DACT2: variants seen among roughly 807,000 people sequenced by gnomAD.
DACT2 encodes dapper homolog 2.
DACT2 carries 20 observed loss-of-function variants against 22.2 expected under a neutral mutation model. The observed-to-expected ratio is 0.90, with a 90% CI of 0.63 to 1.31. The LOEUF is 1.31. Ranked by LOEUF, DACT2 falls within the 50% of genes most tolerant of loss-of-function variation. The pLI, the probability that DACT2 is intolerant of heterozygous loss-of-function variation, is 0.00. For missense variants in DACT2, 1,048 were observed against 1,061.4 expected, an observed-to-expected ratio of 0.99 and a Z score of 0.18; for synonymous variants, 463 against 479.8, an observed-to-expected ratio of 0.96 and a Z score of 0.46.
At chr6:168,303,383 A>T (rs1779144781), downstream of DACT2, among the ~76,000 whole-genome samples, 1 of 152,188 alleles carries the variant, frequency 6.6e-6, no homozygotes, top group African/African-American at 2.4e-5. Context: ...TCATGAATAG[A>T]CCAACACAGT....
chr6:168,293,787 A>AGG (rs33979593), exon 6 of DACT2: 1 of 692,122 alleles, frequency 1.4e-6, no homozygotes, highest in African/African-American at 1.7e-5. Flanking sequence ...TGGCGGGCAG[A>AGG]GGGGGGCCGA....
chr6:168,295,300 T>C (rs1328916853), intron 3 of DACT2, among the ~76,000 whole-genome samples: 1 of 152,332 alleles, frequency 6.6e-6, no homozygotes, highest in East Asian at 1.9e-4. Flanking sequence ...ATTTTGACTT[T>C]GCTTTTGCTT....
At position 168,307,547 on chromosome 6, in the gene DACT2, G is replaced by A. The variant is rs774580804; in HGVS notation, c.2210C>T (p.Ser737Leu). The change falls in exon 4 of 4, where the codon TCG (serine) becomes TTG (leucine). Residue 737 changes from serine to leucine, a missense_variant. By Grantham distance (145) the Ser-to-Leu change is moderately radical (BLOSUM62 -2). Coordinates refer to ENST00000366795, the MANE Select transcript of DACT2 (RefSeq NM_214462.5). This position sits in a 1 kb window ranked among gnomAD's most constrained non-coding sequence, Gnocchi z 5.3. ...GGGCACGGGGGACAGGAGTGGCCCC[G>A]AGCTGACCGGGGCCTCCTGGGTCCA... Reference protein sequence around the residue: ...LAWTQEAPVSSGPLLSPVPKL... With the variant: ...LAWTQEAPVSLGPLLSPVPKL... The A allele has an allele frequency of 3.1e-5, 48 of 1,551,250 alleles. No individual in the cohort carries two copies. Among genetic ancestry groups the A allele is most frequent in the Admixed American group, 1.2e-4 (6 of 50,982 alleles).
At position 168,308,905 on chromosome 6, in the gene DACT2, T is replaced by C. The variant is rs1779312778; in HGVS notation, c.852A>G (p.Leu284=). 2 of 1,550,774 alleles carry C rather than the reference T, an allele frequency of 1.3e-6. No homozygotes were observed. The highest frequency in any genetic ancestry group is 1.4e-5 in the African/African-American group (1 of 73,170). The change falls in exon 4 of 4, where the codon CTA becomes CTG. Residue 284 remains leucine (L), a synonymous_variant. Transcript: ENST00000366795. ...TAGTCAGGACAAACAGGGGGCTCTG[T>C]AGAGCCACGGCGTGCAGGGGGCTGG... ...PYPSPLHAVA[L]QSPLFVLTKE...
intron 3 of DACT2, 70 bp from the exon 4 acceptor site, chr6:168,309,168 T>C (rs977859963): frequency 1.7e-5 from 25 of 1,443,672 alleles, no homozygotes; most frequent in African/African-American, 1.0e-4. Context: ...TTTCATTTCA[T>C]GCGTGGCAGC....
At chr6:168,300,789 A>T (rs939012331) in intron 3 of DACT2, among the ~76,000 whole-genome samples, 1 of 152,120 alleles carries the variant, frequency 6.6e-6, no homozygotes, top group Non-Finnish European at 1.5e-5. Context: ...GATTGGGACC[A>T]TCCTGGCCAA....
At position 168,308,823 on chromosome 6, in the gene DACT2, C is replaced by G; in HGVS notation, c.934G>C (p.Ala312Pro). ...SFPRESPRGP[A>P]GLNTIQTGPV... ...CCAGTCTGGATGGTGTTCAGACCTG[C>G]GGGGCCCCTGGGGCTCTCCCTAGGG... The change falls in exon 4 of 4, where the codon GCA becomes CCA. Residue 312 changes from alanine to proline, a missense_variant. Physicochemically the swap from Ala to Pro is conservative, Grantham distance 27 (BLOSUM62 -1). Coordinates refer to ENST00000366795, the MANE Select transcript of DACT2 (RefSeq NM_214462.5). The G allele has an allele frequency of 6.4e-7, 1 of 1,551,324 alleles. No homozygotes were observed. Among genetic ancestry groups the G allele is most frequent in the Non-Finnish European group, 8.7e-7 (1 of 1,146,988 alleles).
chr6:168,308,216 G>C lies in DACT2; in HGVS notation c.1541C>G (p.Pro514Arg). ...MDKVLRFARQ[P>R]LLLLDRPEGA... Reference sequence around the variant, plus strand: ...CTCAGGCCTGTCCAGTAGAAGCAGCGGCTGCCTTGCAAACCTCAGCACCTT... The same window carrying C: ...CTCAGGCCTGTCCAGTAGAAGCAGCCGCTGCCTTGCAAACCTCAGCACCTT... The change falls in exon 4 of 4, where the codon CCG (proline) becomes CGG (arginine). Residue 514 changes from proline to arginine, a missense_variant. Coordinates refer to ENST00000366795, the MANE Select transcript of DACT2 (RefSeq NM_214462.5). 6.4e-7 allele frequency: 1 copy of C among 1,551,838 alleles called. No homozygotes were observed. Among genetic ancestry groups the C allele is most frequent in the Non-Finnish European group, 8.7e-7 (1 of 1,147,046 alleles).
rs372791043 is a variant in DACT2, at chr6:168,312,317, C to T, written c.247-1033G>A. Among the ~76,000 whole-genome samples the T allele has an allele frequency of 1.4e-4, 22 of 152,196 alleles. No individual in the cohort carries two copies. The South Asian group carries it at 1.9e-3, about 13-fold the overall frequency. On this transcript the variant is annotated intron_variant, in intron 1 of 3. Coordinates refer to ENST00000366795, the MANE Select transcript of DACT2 (RefSeq NM_214462.5). ...GCTCAGGTGATCCTCCCACCTCAGC[C>T]GCCCAAGTATCCGGGACTGCAGGCA... is the stretch of plus-strand genomic sequence containing the variant.
downstream of DACT2, among the ~76,000 whole-genome samples, chr6:168,305,742 G>T (rs1232410317): frequency 2.6e-5 from 4 of 152,132 alleles, no homozygotes. Flanking sequence ...TTATAAAAAT[G>T]TTGTCATTTT....
chr6:168,313,456 T>A (rs1175688252), intron 1 of DACT2, among the ~76,000 whole-genome samples: 1 of 152,196 alleles, frequency 6.6e-6, no homozygotes, highest in African/African-American at 2.4e-5. Context: ...ACTGGCTCCT[T>A]ACCCTGCACA....
In DACT2 at chr6:168,308,527, G is replaced by T. The variant is rs1253227674; in HGVS notation, c.1230C>A (p.Pro410=). ...TGCCAGACTGCTGGGGACCCTCAAG[G>T]GGCATGTATCCCTGCTGCTGGGGCC... ...RGGPQQQGYM[P]LEGPQQSGSL... is the part of the protein sequence containing the mutation. Residue 410 remains proline (P), a synonymous_variant, in exon 4 of 4, where the codon CCC becomes CCA. Transcript: ENST00000366795. The T allele has an allele frequency of 1.3e-6, 2 of 1,551,096 alleles. No homozygotes were observed. The highest frequency in any genetic ancestry group is 1.7e-6 in the Non-Finnish European group (2 of 1,146,962).
intron 3 of DACT2, among the ~76,000 whole-genome samples, chr6:168,301,468 C>T (rs1462863295): frequency 5.3e-5 from 8 of 152,242 alleles, no homozygotes; most frequent in Non-Finnish European, 1.2e-4. Flanking sequence ...CGGTCAGGCT[C>T]TCAGGGAGCC....
chr6:168,311,349 G>A, intron 1 of DACT2, 65 bp from the exon 2 acceptor site: 3 of 1,461,898 alleles, frequency 2.1e-6, no homozygotes, highest in Non-Finnish European at 2.7e-6. Context: ...AAGGCTCAAA[G>A]GGGTGAAAAC....
At chr6:168,314,324 G>C (rs1275938761) in intron 1 of DACT2, among the ~76,000 whole-genome samples, 2 of 152,158 alleles carry the variant, frequency 1.3e-5, no homozygotes, top group Non-Finnish European at 1.5e-5. Context: ...CCTGGGCCTG[G>C]GGAAGGGGCA....
chr6:168,299,602 C>A (rs1318359473), intron 3 of DACT2: 1 of 152,178 alleles, frequency 6.6e-6, no homozygotes, highest in Non-Finnish European at 1.5e-5. Context: ...AGTCACAGAT[C>A]CCAGCCACAG....
At chr6:168,304,832 G>A (rs775749048), downstream of DACT2, among the ~76,000 whole-genome samples, 9 of 152,244 alleles carry the variant, frequency 5.9e-5, no homozygotes, top group Non-Finnish European at 1.3e-4. Context: ...GGGCTGCCTG[G>A]TCCCGCAGAA....
chr6:168,309,200 T>G (rs1779324308), intron 3 of DACT2, 102 bp from the exon 4 acceptor site: 1 of 1,431,926 alleles, frequency 7.0e-7, no homozygotes, highest in Non-Finnish European at 9.1e-7. Context: ...CGCTGCTCAT[T>G]CACTGCTTCG....
chr6:168,305,580 G>A (rs1779187967), downstream of DACT2, among the ~76,000 whole-genome samples: 2 of 149,304 alleles, frequency 1.3e-5, no homozygotes, highest in African/African-American at 5.0e-5. Context: ...GTGACTCAAT[G>A]GAACTTCCTA....
Sources: gnomAD v4.1 joint callset for allele counts (sites outside exome capture counted in the v4.1 genomes callset) on GRCh38, gnomAD v4.1.1 for gene constraint, Gnocchi (gnomAD v3.1) non-coding constraint, MANE v1.5 for transcripts, NCBI Gene and HGNC (gene_info 2026-07-23, HGNC 2026-07-21) for gene names.